Variants in UNC5A observed in about 807,000 individuals in gnomAD.
UNC5A encodes the protein unc-5 netrin receptor A.
Under a neutral mutation model 87.4 loss-of-function variants are expected in UNC5A, and 20 were observed. The ratio of observed to expected loss-of-function variants is 0.23; its 90% CI spans 0.16 to 0.33. UNC5A has a LOEUF of 0.33. Among genes scored for constraint, UNC5A ranks in the 10% least tolerant of loss-of-function variants. UNC5A has a pLI of 1.00. For synonymous variants in UNC5A, 438 were observed against 482.3 expected (o/e 0.91, Z 1.20); for missense variants, 844 against 1,133.4 (o/e 0.74, Z 3.67).
chr5:176,821,154 C>T (rs895858539), intron 1 of UNC5A, among the ~76,000 whole-genome samples: 11 of 152,322 alleles, frequency 7.2e-5, no homozygotes, highest in African/African-American at 2.6e-4. Flanking sequence ...CCGCCCCTGC[C>T]CTGTGTTTCT....
chr5:176,858,467 C>T (rs923782422), intron 1 of UNC5A, among the ~76,000 whole-genome samples: 1 of 152,058 alleles, frequency 6.6e-6, no homozygotes, highest in African/African-American at 2.4e-5. Flanking sequence ...TGACTGGGGC[C>T]AGAACGTGAG....
intron 6 of UNC5A, among the ~76,000 whole-genome samples, chr5:176,871,769 C>A (rs1182523178): frequency 1.5e-5 from 1 of 65,180 alleles, no homozygotes; most frequent in Non-Finnish European, 3.9e-5. Flanking sequence ...CCCACACTCG[C>A]CCAACACCAC....
chr5:176,850,700 G>A (rs765296322), intron 1 of UNC5A, among the ~76,000 whole-genome samples: 12 of 152,312 alleles, frequency 7.9e-5, no homozygotes, highest in Non-Finnish European at 1.5e-4. Flanking sequence ...CTGGGCTGGT[G>A]GGACCCATGA....
chr5:176,825,544 A>G (rs1295521648), intron 1 of UNC5A, among the ~76,000 whole-genome samples: 1 of 152,230 alleles, frequency 6.6e-6, no homozygotes, highest in Non-Finnish European at 1.5e-5. Flanking sequence ...GAAGGATACC[A>G]GGTAGAAAAG....
chr5:176,868,483 C>T, intron 3 of UNC5A, 78 bp from the exon 4 acceptor site: 1 of 1,492,712 alleles, frequency 6.7e-7, no homozygotes, highest in African/African-American at 1.4e-5. Flanking sequence ...ACGGCCCCTG[C>T]AGGACAAGGG....
At chr5:176,860,641 T>C (rs1380232938) in intron 1 of UNC5A, among the ~76,000 whole-genome samples, 3 of 152,080 alleles carry the variant, frequency 2.0e-5, no homozygotes, top group African/African-American at 4.8e-5. Flanking sequence ...CAATAAGGTG[T>C]CTTGGTCCCA....
chr5:176,850,186 T>G lies in UNC5A; in HGVS notation c.71-12438T>G, dbSNP rs368091876. ...CAGGGCTGAGTGCATTGGTAGTAGG[T>G]GGGGTGCCCTGCAGGTTTAGGAGGA... is the stretch of plus-strand genomic sequence containing the variant. On this transcript the variant is annotated intron_variant, in intron 1 of 14. Transcript: ENST00000329542. Among the ~76,000 whole-genome samples the G allele has an allele frequency of 2.1e-3, 317 of 152,240 alleles. 3 individuals are homozygous for G. In the South Asian group the frequency reaches 0.029, roughly 14 times the overall value.
chr5:176,853,884 G>A (rs890757513), intron 1 of UNC5A, among the ~76,000 whole-genome samples: 4 of 152,190 alleles, frequency 2.6e-5, no homozygotes, highest in Non-Finnish European at 5.9e-5. Context: ...ACGGGAAGGG[G>A]AAGAAGAGAA....
chr5:176,854,144 C>A lies in UNC5A; in HGVS notation c.71-8480C>A, dbSNP rs575430416. ...CCCCGTTGTTACCTCCAGGCAGGTT[C>A]ATACCTGAGTTGCCACCTGGACTCT... On this transcript the variant is annotated intron_variant, in intron 1 of 14. Transcript: ENST00000329542. 2.5e-3 allele frequency among the ~76,000 whole-genome samples: 376 copies of A among 152,250 alleles called. 2 individuals are homozygous for A. The highest frequency in any genetic ancestry group is 3.5e-3 in the Non-Finnish European group (241 of 68,004).
chr5:176,855,202 C>G (rs1243090416), intron 1 of UNC5A, among the ~76,000 whole-genome samples: 1 of 152,254 alleles, frequency 6.6e-6, no homozygotes, highest in Non-Finnish European at 1.5e-5. Flanking sequence ...TGTGAATAGC[C>G]TGCCTTTACC....
intron 1 of UNC5A, among the ~76,000 whole-genome samples, chr5:176,822,407 G>A (rs1055387871): frequency 6.6e-6 from 1 of 152,134 alleles, no homozygotes; most frequent in East Asian, 1.9e-4. Flanking sequence ...AGCAGTGGGC[G>A]TCAAGGGCAG....
Position 176,844,137 on chromosome 5 carries a change from G to A in UNC5A, c.71-18487G>A, listed in dbSNP as rs1427228111. Among the ~76,000 whole-genome samples the A allele has an allele frequency of 6.6e-6, 1 of 152,184 alleles. No homozygotes were observed. Among genetic ancestry groups the A allele is most frequent in the Non-Finnish European group, 1.5e-5 (1 of 68,042 alleles). ...GGGCTGGAGAGAGTTCAGCAAACGG[G>A]GCTTTTTGAATAAAAGCTGTGACTA... On this transcript the variant is annotated intron_variant, in intron 1 of 14. Transcript: ENST00000329542. This position sits in a 1 kb window ranked among gnomAD's most constrained non-coding sequence, Gnocchi z 4.2.
intron 9 of UNC5A, 104 bp from the exon 10 acceptor site, chr5:176,877,431 C>A: frequency 1.4e-6 from 2 of 1,397,842 alleles, no homozygotes; most frequent in Non-Finnish European, 2.0e-6. Flanking sequence ...GCAGCCCAAG[C>A]CCCTGGCCCC....
chr5:176,859,041 C>T (rs945406786), intron 1 of UNC5A, among the ~76,000 whole-genome samples: 3 of 152,198 alleles, frequency 2.0e-5, no homozygotes, highest in Non-Finnish European at 2.9e-5. Context: ...CCCGAGAGGA[C>T]GTCCAGTAGC....
intron 1 of UNC5A, among the ~76,000 whole-genome samples, chr5:176,812,801 G>A (rs1756494051): frequency 6.6e-6 from 1 of 152,152 alleles, no homozygotes; most frequent in Admixed American, 6.5e-5. Context: ...TGAAGGCCAT[G>A]GGGTGGGGAG....
Position 176,862,844 on chromosome 5 carries a change from T to A in UNC5A, c.291T>A (p.Ser97Arg), listed in dbSNP as rs940950792. The change falls in exon 2 of 15, where the codon AGT becomes AGA. Residue 97 changes from serine to arginine, a missense_variant and splice_region_variant. Ser to Arg is a moderately radical substitution (Grantham distance 110). This residue lies in a region of UNC5A where 314 missense variants were observed against 466.5 expected (regional missense o/e 0.67). Transcript: ENST00000329542. ...TCGAGCGCAGCACAGACGGGAGCAG[T>A]GGTGAGCCGCATGGGGCGCCAGGCA... ...HVIERSTDGS[S>R]GLPTMEVRIN... 6.2e-7 allele frequency: 1 copy of A among 1,612,406 alleles called. No homozygotes were observed. Among genetic ancestry groups the A allele is most frequent in the Non-Finnish European group, 8.5e-7 (1 of 1,179,742 alleles).
chr5:176,862,187 G>GC (rs987246473), intron 1 of UNC5A, among the ~76,000 whole-genome samples: 1 of 152,192 alleles, frequency 6.6e-6, no homozygotes, highest in Admixed American at 6.5e-5. Context: ...AGGAAGCAGG[G>GC]CCCCAGAGGC....
intron 1 of UNC5A, among the ~76,000 whole-genome samples, chr5:176,831,970 C>T (rs747051562): frequency 6.8e-6 from 1 of 147,790 alleles, no homozygotes; most frequent in Non-Finnish European, 1.5e-5. Flanking sequence ...AATCTCGGCT[C>T]TCTGCAACCT....
intron 13 of UNC5A, among the ~76,000 whole-genome samples, chr5:176,878,946 G>A (rs1319346395): frequency 6.6e-5 from 10 of 152,324 alleles, no homozygotes; most frequent in East Asian, 5.8e-4. Flanking sequence ...GTTTGGCTGC[G>A]GCATTAAGGG....
Sources: gnomAD v4.1 joint callset for allele counts (sites outside exome capture counted in the v4.1 genomes callset) on GRCh38, gnomAD v4.1.1 for gene constraint, gnomAD v4.1.1 regional missense constraint, Gnocchi (gnomAD v3.1) non-coding constraint, MANE v1.5 for transcripts, NCBI Gene and HGNC (gene_info 2026-07-23, HGNC 2026-07-21) for gene names.